GGT1: variants seen among roughly 807,000 people sequenced by gnomAD.
GGT1 encodes glutathione hydrolase 1 proenzyme.
GGT1 carries 21 observed loss-of-function variants against 56.0 expected under a neutral mutation model. The observed-to-expected ratio is 0.38, with a 90% CI of 0.27 to 0.54. The LOEUF is 0.54. Among genes scored for constraint, GGT1 ranks in the 20% least tolerant of loss-of-function variants. The pLI is 0.82. For synonymous variants in GGT1, 238 were observed against 342.6 expected (o/e 0.69, Z 3.37); for missense variants, 466 against 787.0 (o/e 0.59, Z 4.88).
chr22:24,592,953 C>T (rs737128), upstream of GGT1: 341,084 of 1,211,052 alleles, frequency 0.28, 49,107 homozygotes, highest in African/African-American at 0.4. Flanking sequence ...GCACCCGGCG[C>T]TCGTAGGGCG....
At chr22:24,592,701 C>T (rs2045607035), upstream of GGT1, 2 of 1,237,798 alleles carry the variant, frequency 1.6e-6, no homozygotes, top group African/African-American at 1.6e-5. Flanking sequence ...CGTGCTGCAG[C>T]CTGTCGCGCC....
the GGT1 span, chr22:24,588,993 C>T: frequency 2.4e-5 from 24 of 1,011,324 alleles, no homozygotes; most frequent in Admixed American, 5.8e-5. Context: ...CCTCTGTGAG[C>T]AGCCCCAGGA....
the GGT1 span, chr22:24,588,550 C>T: frequency 1.3e-6 from 1 of 765,440 alleles, no homozygotes; most frequent in South Asian, 2.0e-5. Context: ...CAGGCTGGTC[C>T]AGTCCCGCAG....
chr22:24,593,181 G>A (rs902489058), upstream of GGT1: 6 of 877,338 alleles, frequency 6.8e-6, no homozygotes, highest in South Asian at 2.1e-4. Context: ...GCCCCACCCC[G>A]CGCCGGAGCG....
At chr22:24,584,700 C>G in the GGT1 span, among the ~76,000 whole-genome samples, 2 of 152,038 alleles carry the variant, frequency 1.3e-5, no homozygotes, top group Admixed American at 6.6e-5. Flanking sequence ...GCTGCTGAGT[C>G]TTTCCTCATC....
chr22:24,588,247 C>G, the GGT1 span: 13,933 of 1,613,396 alleles, frequency 8.6e-3, 95 homozygotes, highest in South Asian at 0.015. Flanking sequence ...CAGGCTGGAC[C>G]CTTGCTGCTG....
chr22:24,586,653 T>C, the GGT1 span, among the ~76,000 whole-genome samples: 1 of 152,362 alleles, frequency 6.6e-6, no homozygotes, highest in South Asian at 2.1e-4. Context: ...TGCTTCAGCC[T>C]CCCAAGTAGC....
intron 5 of GGT1, 127 bp downstream of exon 5, chr22:24,611,372 T>G (rs2046644369): frequency 1.5e-6 from 1 of 686,100 alleles, no homozygotes; most frequent in African/African-American, 1.8e-5. Flanking sequence ...CAGTAGCCTT[T>G]GGGAAGGGGA....
upstream of GGT1, among the ~76,000 whole-genome samples, chr22:24,602,255 G>T (rs2045795986): frequency 6.6e-6 from 1 of 152,160 alleles, no homozygotes; most frequent in East Asian, 1.9e-4. Context: ...AGCTCGGGCT[G>T]GATTCCCAAG....
chr22:24,626,031 C>T (rs1177027579), intron 11 of GGT1, among the ~76,000 whole-genome samples: 1 of 128,910 alleles, frequency 7.8e-6, no homozygotes, highest in Non-Finnish European at 1.6e-5. Context: ...CCCAGGCTGT[C>T]CCCCAGGCTG....
chr22:24,624,459 G>T (rs2047624441), intron 11 of GGT1: 2 of 980,096 alleles, frequency 2.0e-6, no homozygotes, highest in African/African-American at 3.5e-5. Context: ...TGGCATTCCT[G>T]GGCGGATCTG....
the GGT1 span, chr22:24,585,939 C>G: frequency 6.2e-7 from 1 of 1,608,928 alleles, no homozygotes. Flanking sequence ...GCTGTGGAGT[C>G]CCAGGTGGAG....
the GGT1 span, chr22:24,585,566 C>G: frequency 2.5e-6 from 1 of 408,156 alleles, no homozygotes; most frequent in Non-Finnish European, 4.5e-6. Flanking sequence ...CACAGCCACC[C>G]TTTCTCCCCA....
At chr22:24,614,984 C>T in intron 6 of GGT1, 57 bp from the exon 7 acceptor site, 2 of 1,465,826 alleles carry the variant, frequency 1.4e-6, no homozygotes, top group East Asian at 2.3e-5. Flanking sequence ...GGTCCCCAGG[C>T]TCACGTGGCA....
At chr22:24,603,598 TTATG>T (rs1175118242) in intron 1 of GGT1, 71 bp downstream of exon 1, 1 of 152,170 alleles carries the variant, frequency 6.6e-6, no homozygotes, top group Non-Finnish European at 1.5e-5. Flanking sequence ...GCTGATGAGT[TTATG>T]TGAGTTTGAG....
In GGT1 at chr22:24,620,031, A is replaced by C. The variant is rs1313688615; in HGVS notation, c.383-297A>C. Among the ~76,000 whole-genome samples the C allele has an allele frequency of 7.9e-6, 1 of 127,232 alleles. No homozygotes were observed. Among genetic ancestry groups the C allele is most frequent in the Non-Finnish European group, 1.7e-5 (1 of 59,516 alleles). The allele number at this position is 127,232 out of a possible 152,430, so 83.5% of individuals were successfully genotyped here. A position where few individuals can be genotyped will look rare whatever the true frequency, so the allele number is the denominator to read the frequency against. On this transcript the variant is annotated intron_variant, in intron 7 of 15. Coordinates refer to ENST00000400382, the MANE Select transcript of GGT1 (RefSeq NM_001288833.2). The surrounding 1 kb of genome is among the most constrained non-coding windows in gnomAD (Gnocchi z 5.6). ...CATCCCCTCCTAAAAAAAAACAATT[A>C]AAATTAAAAAATAAATTTAAAAATT...
At chr22:24,626,154 A>T (rs1256295838) in intron 11 of GGT1, among the ~76,000 whole-genome samples, 1 of 146,956 alleles carries the variant, frequency 6.8e-6, no homozygotes, top group Non-Finnish European at 1.5e-5. Context: ...CACCGCGCCC[A>T]GCTAATTTTT....
At chr22:24,612,595 C>T (rs550577741) in intron 5 of GGT1, among the ~76,000 whole-genome samples, 13 of 151,094 alleles carry the variant, frequency 8.6e-5, no homozygotes, top group South Asian at 2.1e-4. Context: ...GGCGCAATCT[C>T]GGCTCGCTGC....
At chr22:24,625,494 G>A (rs573017920) in intron 11 of GGT1, among the ~76,000 whole-genome samples, 53 of 152,114 alleles carry the variant, frequency 3.5e-4, no homozygotes, top group African/African-American at 1.0e-3. Context: ...TCAAACTCCC[G>A]GGATCAAACT....
Sources: allele counts gnomAD v4.1 joint callset (sites outside exome capture counted in the v4.1 genomes callset), GRCh38; gene constraint gnomAD v4.1.1; non-coding constraint Gnocchi (gnomAD v3.1); transcripts MANE v1.5; gene names NCBI Gene and HGNC (gene_info 2026-07-23, HGNC 2026-07-21).